The following LMO4 variants were observed in gnomAD, a reference collection of about 807,000 sequenced individuals.
The protein encoded by LMO4 is LIM domain only 4.
In LMO4, 3 loss-of-function variants were observed where a neutral mutation model predicts 18.5. The ratio of observed to expected loss-of-function variants is 0.16; its 90% confidence interval spans 0.07 to 0.42. The LOEUF (loss-of-function observed/expected upper bound fraction) is 0.42, where lower values mean the gene tolerates loss of function less well. Ranked by LOEUF, LMO4 falls within the 10% of genes least tolerant of loss-of-function variation. The pLI, the probability that LMO4 is intolerant of heterozygous loss-of-function variation, is 0.99. For missense variants in LMO4, 121 were observed against 219.9 expected (o/e 0.55, Z 2.84); for synonymous variants, 100 against 88.1 (o/e 1.14, Z -0.76).
At position 87,345,063 on chromosome 1, in the gene LMO4, A is replaced by T. The variant is rs1450468131; in HGVS notation, c.*267A>T. The stretch of plus-strand genomic sequence containing the variant: ...AGATCCACCAGAGGACATCTTGGGG[A>T]GGGGGAGGGAGCTGGGGGGGAGGGA... On this transcript the variant is annotated 3_prime_UTR_variant, in exon 5 of 5. Coordinates refer to ENST00000370544, the MANE Select transcript of LMO4 (RefSeq NM_006769.4). The T allele has an allele frequency of 2.6e-4, 27 of 104,338 alleles. No individual in the cohort carries two copies. The highest frequency in any genetic ancestry group is 3.5e-3 in the Middle Eastern group (1 of 284). 6.5% of individuals were successfully genotyped at this position (104,338 alleles called of 1,614,324 possible).
At chr1:87,335,469 C>T (rs1464461483) in intron 2 of LMO4, among the ~76,000 whole-genome samples, 1 of 151,772 alleles carries the variant, frequency 6.6e-6, no homozygotes, top group Non-Finnish European at 1.5e-5. Flanking sequence ...AGGGGGCGAG[C>T]GCAGGGCGGG....
chr1:87,331,886 C>T lies in LMO4; in HGVS notation c.-3-127C>T, dbSNP rs536585173. 38 of 750,096 alleles carry T rather than the reference C, an allele frequency of 5.1e-5. No individual in the cohort carries two copies. The African/African-American group carries it at 6.1e-4, about 12-fold the overall frequency. The allele number at this position is 750,096 out of a possible 1,614,324, so 46.5% of individuals were successfully genotyped here. A position where few individuals can be genotyped will look rare whatever the true frequency, so the allele number is the denominator to read the frequency against. ...CCTCAGCCTCCTTCCCGCCCTTGCC[C>T]TGCTGTTTCCTTCCAGCAGCTCCGC... On this transcript the variant is annotated intron_variant, in intron 1 of 4. Coordinates refer to ENST00000370544, the MANE Select transcript of LMO4 (RefSeq NM_006769.4).
intron 4 of LMO4, among the ~76,000 whole-genome samples, chr1:87,343,527 T>A (rs1650551205): frequency 6.6e-6 from 1 of 152,206 alleles, no homozygotes; most frequent in African/African-American, 2.4e-5. Flanking sequence ...CATCTAGAAT[T>A]ACCTGTGCTT....
chr1:87,332,067 C>G lies in LMO4; in HGVS notation c.52C>G (p.Leu18Val), dbSNP rs1650172240. 1.2e-6 allele frequency: 2 copies of G among 1,613,710 alleles called. No homozygotes were observed. Among genetic ancestry groups the G allele is most frequent in the Non-Finnish European group, 1.7e-6 (2 of 1,180,006 alleles). ...SQPPPVTAGS[L>V]SWKRCAGCGG... ...GCCGCCCCCGGTGACGGCCGGCTCCCTCTCCTGGAAGCGGTGCGCAGGCTG... is the reference window on the plus strand; with the variant it reads ...GCCGCCCCCGGTGACGGCCGGCTCCGTCTCCTGGAAGCGGTGCGCAGGCTG... Residue 18 changes from leucine (L) to valine (V), a missense_variant, in exon 2 of 5, where the codon CTC becomes GTC. Transcript: ENST00000370544.
At chr1:87,336,878 T>A (rs1392245313) in intron 2 of LMO4, among the ~76,000 whole-genome samples, 1 of 152,146 alleles carries the variant, frequency 6.6e-6, no homozygotes, top group Non-Finnish European at 1.5e-5. Flanking sequence ...AGCTACTTAA[T>A]TGAGCACCTA....
In LMO4 at chr1:87,332,000, C is replaced by T; in HGVS notation, c.-3-13C>T. On this transcript the variant is annotated splice_polypyrimidine_tract_variant and intron_variant, in intron 1 of 4. Coordinates refer to ENST00000370544, the MANE Select transcript of LMO4 (RefSeq NM_006769.4). The stretch of plus-strand genomic sequence containing the variant: ...TTGTCTTTCTCTCCCTGTCCCCTTC[C>T]CGCCCTCTGCAGACCATGGTGAATC... 6.2e-7 allele frequency: 1 copy of T among 1,606,150 alleles called. No homozygotes were observed. The highest frequency in any genetic ancestry group is 1.3e-5 in the African/African-American group (1 of 74,918).
chr1:87,335,131 G>A (rs1238167733), intron 2 of LMO4, among the ~76,000 whole-genome samples: 1 of 152,236 alleles, frequency 6.6e-6, no homozygotes, highest in Non-Finnish European at 1.5e-5. Flanking sequence ...GGGAACCTTG[G>A]GACTGCCCCT....
At chr1:87,334,552 C>T (rs1398024851) in intron 2 of LMO4, among the ~76,000 whole-genome samples, 1 of 152,226 alleles carries the variant, frequency 6.6e-6, no homozygotes, top group Non-Finnish European at 1.5e-5. Context: ...TCTGCTCGCC[C>T]GCCGCCAGGT....
rs896569064 is a variant in LMO4, at chr1:87,348,519, C to T, written c.*3723C>T. The T allele has an allele frequency of 2.8e-6, 1 of 355,402 alleles. No individual in the cohort carries two copies. 22.0% of individuals were successfully genotyped at this position (355,402 alleles called of 1,614,324 possible). On this transcript the variant is annotated 3_prime_UTR_variant, in exon 5 of 5. Coordinates refer to ENST00000370544, the MANE Select transcript of LMO4 (RefSeq NM_006769.4). Reference sequence around the variant, plus strand: ...GGCAGTGCTCTGAACGCATGTTAAACAGCCAGCTACTCCCACTTGCAGAGT... The same window carrying T: ...GGCAGTGCTCTGAACGCATGTTAAATAGCCAGCTACTCCCACTTGCAGAGT...
chr1:87,337,219 A>AG (rs1236041504), intron 2 of LMO4, among the ~76,000 whole-genome samples: 5 of 152,226 alleles, frequency 3.3e-5, no homozygotes, highest in African/African-American at 1.2e-4. Context: ...TTGGCACTTC[A>AG]GGAATCCCAC....
rs759681388 is a variant in LMO4, at chr1:87,339,523, T to C, written c.237-13T>C. On this transcript the variant is annotated splice_polypyrimidine_tract_variant and intron_variant, in intron 2 of 4. Transcript: ENST00000370544. The stretch of plus-strand genomic sequence containing the variant: ...GATTATTCACTGGTGTCAACCGTTA[T>C]TCTTTGTTTCAGGTTATTTGGAAAT... The C allele has an allele frequency of 1.1e-5, 18 of 1,600,990 alleles. No homozygotes were observed. The Admixed American group carries it at 1.8e-4, about 16-fold the overall frequency.
Position 87,332,260 on chromosome 1 carries a change from T to TAG in LMO4, c.236+9_236+10insAG. 1 of 1,598,220 alleles carries TAG rather than the reference T, an allele frequency of 6.3e-7. No individual in the cohort carries two copies. Among genetic ancestry groups the TAG allele is most frequent in the East Asian group, 2.2e-5 (1 of 44,588 alleles). Reference sequence around the variant, plus strand: ...AGAAATGACTACATTAGGTAAGACTTTGCTGTCTTTCCTGGAGATGGGGGG... The same window carrying TAG: ...AGAAATGACTACATTAGGTAAGACTTAGTGCTGTCTTTCCTGGAGATGGGGGG... On this transcript the variant is annotated intron_variant, in intron 2 of 4. Transcript: ENST00000370544.
In LMO4 at chr1:87,332,330, G is replaced by A. The variant is rs3753291; in HGVS notation, c.236+79G>A. ...AAGGTTAACAGGGTTGTGAGGAAAGGAGTAGGCGTCTACGGGGAGTATGCA... is the reference window on the plus strand; with the variant it reads ...AAGGTTAACAGGGTTGTGAGGAAAGAAGTAGGCGTCTACGGGGAGTATGCA... On this transcript the variant is annotated intron_variant, in intron 2 of 4. Coordinates refer to ENST00000370544, the MANE Select transcript of LMO4 (RefSeq NM_006769.4). 370 of 1,116,434 alleles carry A rather than the reference G, an allele frequency of 3.3e-4. 3 individuals carry two copies. The South Asian group carries it at 3.5e-3, about 10-fold the overall frequency. The allele number at this position is 1,116,434 out of a possible 1,614,324, so 69.2% of individuals were successfully genotyped here.
chr1:87,344,518 A>G (rs1028890675), intron 4 of LMO4, among the ~76,000 whole-genome samples: 1 of 152,216 alleles, frequency 6.6e-6, no homozygotes, highest in Admixed American at 6.5e-5. Context: ...AACAGAGTTA[A>G]GCAATTAATT....
chr1:87,342,311 A>G (rs1337884467), intron 4 of LMO4, among the ~76,000 whole-genome samples: 6 of 152,214 alleles, frequency 3.9e-5, no homozygotes, highest in Non-Finnish European at 5.9e-5. Context: ...ACCATCTTTT[A>G]TAGTATAAGA....
intron 4 of LMO4, among the ~76,000 whole-genome samples, chr1:87,342,578 G>A (rs1321380595): frequency 1.3e-5 from 2 of 152,096 alleles, no homozygotes; most frequent in African/African-American, 4.8e-5. Context: ...AAAGGCATAA[G>A]GAAATACAAC....
At chr1:87,334,856 A>G (rs1238975530) in intron 2 of LMO4, among the ~76,000 whole-genome samples, 2 of 152,162 alleles carry the variant, frequency 1.3e-5, no homozygotes, top group Non-Finnish European at 2.9e-5. Flanking sequence ...GAATCCGCAC[A>G]ATTAAAAGCT....
intron 1 of LMO4, among the ~76,000 whole-genome samples, chr1:87,331,054 A>ACGCCGCC (rs757259744): frequency 3.5e-4 from 5 of 14,092 alleles, no homozygotes; most frequent in African/African-American, 8.5e-4. Flanking sequence ...ATTATCTGTA[A>ACGCCGCC]CGCCGCCCGC....
At chr1:87,333,345 C>T (rs910846047) in intron 2 of LMO4, among the ~76,000 whole-genome samples, 14 of 139,542 alleles carry the variant, frequency 1.0e-4, no homozygotes, top group African/African-American at 1.9e-4. Context: ...ACTAGAAAAC[C>T]GCACACTTTT....
Sources: gnomAD v4.1 joint callset for allele counts (sites outside exome capture counted in the v4.1 genomes callset) on GRCh38, gnomAD v4.1.1 for gene constraint, MANE v1.5 for transcripts, NCBI Gene and HGNC (gene_info 2026-07-23, HGNC 2026-07-21) for gene names.